GABRG3: variants seen among roughly 807,000 people sequenced by gnomAD.
The protein encoded by GABRG3 is gamma-aminobutyric acid type A receptor subunit gamma3, also known as gamma-aminobutyric acid receptor subunit gamma-3.
A neutral mutation model predicts 48.8 loss-of-function variants in GABRG3; 25 were observed. The observed-to-expected ratio is 0.51, with a 90% CI of 0.37 to 0.72. GABRG3 has a LOEUF of 0.72. Among genes scored for constraint, GABRG3 ranks in the 30% least tolerant of loss-of-function variants. GABRG3 has a pLI of 0.00. For synonymous variants in GABRG3, 227 were observed against 217.6 expected (o/e 1.04, Z -0.38); for missense variants, 394 against 577.9 (o/e 0.68, Z 3.26).
At chr15:27,099,309 T>G (rs1174337201) in intron 3 of GABRG3, among the ~76,000 whole-genome samples, 2 of 152,136 alleles carry the variant, frequency 1.3e-5, no homozygotes, top group East Asian at 3.9e-4. Context: ...CATCACAGCC[T>G]GGGCACTTTA....
chr15:27,083,881 A>G (rs1897032098), intron 3 of GABRG3, among the ~76,000 whole-genome samples: 1 of 152,190 alleles, frequency 6.6e-6, no homozygotes, highest in African/African-American at 2.4e-5. Context: ...TATTTCTTCA[A>G]TAAGCCTCCG....
chr15:27,372,442 G>A (rs1895445134), intron 5 of GABRG3, among the ~76,000 whole-genome samples: 1 of 152,040 alleles, frequency 6.6e-6, no homozygotes, highest in African/African-American at 2.4e-5. Flanking sequence ...ACCCAGGCTG[G>A]AATGCAGTGG....
At position 26,992,707 on chromosome 15, in the gene GABRG3, T is replaced by C. The variant is rs184063816; in HGVS notation, c.202+15557T>C. On this transcript the variant is annotated intron_variant, in intron 2 of 9. Coordinates refer to ENST00000615808, the MANE Select transcript of GABRG3 (RefSeq NM_033223.5). ...TTTTTGATGTGTCTTTATTTGGTTT[T>C]GGTATCAAGGTAATATTGACTTCAT... is the stretch of plus-strand genomic sequence containing the variant. Among the ~76,000 whole-genome samples, 13 of 152,290 alleles carry C rather than the reference T, an allele frequency of 8.5e-5. No homozygotes were observed. The East Asian group carries it at 2.5e-3, about 29-fold the overall frequency.
intron 3 of GABRG3, among the ~76,000 whole-genome samples, chr15:27,198,140 T>A (rs1247297582): frequency 2.6e-5 from 4 of 152,096 alleles, no homozygotes; most frequent in Non-Finnish European, 5.9e-5. Context: ...AAAGCCAAAA[T>A]TGACAAATGG....
At chr15:27,056,190 A>T (rs1041799590) in intron 3 of GABRG3, among the ~76,000 whole-genome samples, 1 of 151,836 alleles carries the variant, frequency 6.6e-6, no homozygotes, top group African/African-American at 2.4e-5. Flanking sequence ...GTCTACAAAA[A>T]ATGCAAAATA....
At chr15:27,287,869 G>C (rs1036434564) in intron 3 of GABRG3, among the ~76,000 whole-genome samples, 2 of 151,438 alleles carry the variant, frequency 1.3e-5, no homozygotes, top group Non-Finnish European at 2.9e-5. Context: ...CTCCCAAGTA[G>C]CTGGGACTAC....
chr15:27,369,427 T>G (rs1332170213), intron 5 of GABRG3, among the ~76,000 whole-genome samples: 2 of 152,190 alleles, frequency 1.3e-5, no homozygotes, highest in Admixed American at 1.3e-4. Context: ...TTGTAGACAG[T>G]TCTGCTTCAA....
intron 3 of GABRG3, among the ~76,000 whole-genome samples, chr15:27,056,461 T>A (rs751990643): frequency 4.6e-5 from 7 of 152,110 alleles, no homozygotes; most frequent in Admixed American, 1.3e-4. Flanking sequence ...AAATGAAAAT[T>A]AACACCAGAC....
intron 5 of GABRG3, among the ~76,000 whole-genome samples, chr15:27,358,039 T>A (rs571565858): frequency 6.6e-6 from 1 of 152,292 alleles, no homozygotes; most frequent in East Asian, 1.9e-4. Flanking sequence ...CATTTATTAG[T>A]CTCCCAACCA....
intron 5 of GABRG3, among the ~76,000 whole-genome samples, chr15:27,459,461 A>T (rs552606873): frequency 6.6e-6 from 1 of 152,378 alleles, no homozygotes; most frequent in Non-Finnish European, 1.5e-5. Flanking sequence ...GCCTGTTGGT[A>T]ACACTACTGA....
At chr15:27,246,854 A>T (rs1219960844) in intron 3 of GABRG3, among the ~76,000 whole-genome samples, 2 of 152,246 alleles carry the variant, frequency 1.3e-5, no homozygotes, top group Non-Finnish European at 2.9e-5. Flanking sequence ...TGTGACCTGA[A>T]TGGAAGAACA....
chr15:27,470,801 A>G (rs1889765438), intron 5 of GABRG3, among the ~76,000 whole-genome samples: 1 of 152,044 alleles, frequency 6.6e-6, no homozygotes, highest in Non-Finnish European at 1.5e-5. Context: ...TTGTAAGTAT[A>G]GTTTTTAATT....
intron 3 of GABRG3, among the ~76,000 whole-genome samples, chr15:27,278,393 A>G (rs993750222): frequency 4.6e-5 from 7 of 152,056 alleles, no homozygotes; most frequent in Non-Finnish European, 1.0e-4. Context: ...AACCACCACT[A>G]CAGAGGAGAC....
At chr15:27,214,651 A>G (rs1467631615) in intron 3 of GABRG3, among the ~76,000 whole-genome samples, 1 of 152,038 alleles carries the variant, frequency 6.6e-6, no homozygotes, top group Non-Finnish European at 1.5e-5. Context: ...AAAAATTTCT[A>G]AACAAATTTA....
chr15:27,366,791 T>C (rs1356236643), intron 5 of GABRG3, among the ~76,000 whole-genome samples: 2 of 152,158 alleles, frequency 1.3e-5, no homozygotes, highest in Non-Finnish European at 2.9e-5. Flanking sequence ...GATTTTGCTA[T>C]GGGTGATAAT....
chr15:27,038,191 A>G (rs1896211731), intron 3 of GABRG3, among the ~76,000 whole-genome samples: 1 of 143,750 alleles, frequency 7.0e-6, no homozygotes, highest in Non-Finnish European at 1.6e-5. Flanking sequence ...ACACAAGTCT[A>G]AGACTGGGAA....
Position 27,355,644 on chromosome 15 carries a change from A to C in GABRG3, c.574+26756A>C, listed in dbSNP as rs182078150. Among the ~76,000 whole-genome samples, 132 of 152,388 alleles carry C rather than the reference A, an allele frequency of 8.7e-4. 1 individual carries two copies. In the East Asian group the frequency reaches 0.024, roughly 27 times the overall value. ...TATATAGCAGGGAAAACATGAAAACATGTATTTACACAAAAACTTGTACAT... is the reference window on the plus strand; with the variant it reads ...TATATAGCAGGGAAAACATGAAAACCTGTATTTACACAAAAACTTGTACAT... On this transcript the variant is annotated intron_variant, in intron 5 of 9. Coordinates refer to ENST00000615808, the MANE Select transcript of GABRG3 (RefSeq NM_033223.5).
chr15:27,340,061 C>A (rs527271426), intron 5 of GABRG3, among the ~76,000 whole-genome samples: 3 of 152,136 alleles, frequency 2.0e-5, no homozygotes, highest in African/African-American at 4.8e-5. Context: ...TGTCAGGGAA[C>A]CTTCTTCATC....
chr15:27,131,678 A>G (rs933863359), intron 3 of GABRG3, among the ~76,000 whole-genome samples: 2 of 152,080 alleles, frequency 1.3e-5, no homozygotes, highest in Middle Eastern at 3.2e-3. Flanking sequence ...ACATACTTAC[A>G]CGGTAAAATG....
Sources: gnomAD v4.1 joint callset for allele counts (sites outside exome capture counted in the v4.1 genomes callset) on GRCh38, gnomAD v4.1.1 for gene constraint, MANE v1.5 for transcripts, NCBI Gene and HGNC (gene_info 2026-07-23, HGNC 2026-07-21) for gene names.